ARID3C: variants seen among roughly 807,000 people sequenced by gnomAD.
ARID3C encodes the protein AT-rich interaction domain 3C.
Under a neutral mutation model 37.9 loss-of-function variants are expected in ARID3C, and 42 were observed. The ratio of observed to expected loss-of-function variants is 1.11; its 90% confidence interval spans 0.87 to 1.43. ARID3C has a LOEUF of 1.43. Ranked by LOEUF, ARID3C falls within the 40% of genes most tolerant of loss-of-function variation. The pLI is 0.00. For synonymous variants in ARID3C, 213 were observed against 228.0 expected, an observed-to-expected ratio of 0.93 and a Z score of 0.59; for missense variants, 581 against 548.8, an observed-to-expected ratio of 1.06 and a Z score of -0.59.
exon 5 of ARID3C, chr9:34,622,430 C>T: frequency 6.2e-7 from 1 of 1,614,126 alleles, no homozygotes; most frequent in Non-Finnish European, 8.5e-7. Context: ...CAGCACAGCT[C>T]TCTTCTCTGG....
chr9:34,622,505 C>G (rs1159682377), exon 5 of ARID3C: 2 of 1,609,324 alleles, frequency 1.2e-6, no homozygotes, highest in Admixed American at 1.7e-5. Context: ...CAGTGCCAGA[C>G]AAGGGTTTGG....
exon 3 of ARID3C, chr9:34,623,871 G>T (rs758739197): frequency 1.9e-6 from 3 of 1,596,142 alleles, no homozygotes; most frequent in South Asian, 1.1e-5. Flanking sequence ...CACTGGGTGC[G>T]TAGAGTGAAG....
Position 34,625,879 on chromosome 9 carries a change from C to A in ARID3C, c.319-65G>T, listed in dbSNP as rs540080643. On this transcript the variant is annotated intron_variant, in intron 1 of 6. Transcript: ENST00000378909. ...CCCCCTCCCTCCCTTGACCCCAATT[C>A]AGGTTGTACCCTGAACAAGGGTCCC... 3.2e-6 allele frequency: 5 copies of A among 1,577,702 alleles called. No homozygotes were observed. In the African/African-American group the frequency reaches 6.7e-5, roughly 21 times the overall value.
At chr9:34,622,806 A>C (rs959815760) in intron 4 of ARID3C, among the ~76,000 whole-genome samples, 1 of 152,212 alleles carries the variant, frequency 6.6e-6, no homozygotes, top group Non-Finnish European at 1.5e-5. Context: ...ACTATATGCA[A>C]ATAGGAGCAC....
upstream of ARID3C, among the ~76,000 whole-genome samples, chr9:34,630,162 G>A (rs940873597): frequency 1.3e-5 from 2 of 152,164 alleles, no homozygotes; most frequent in African/African-American, 2.4e-5. Flanking sequence ...CTTCGCCCAT[G>A]TTCACACACA....
rs1564090543 is a variant in ARID3C, at chr9:34,622,327, C to T, written c.1048+20G>A. 12 of 1,590,428 alleles carry T rather than the reference C, an allele frequency of 7.5e-6. No homozygotes were observed. The highest frequency in any genetic ancestry group is 9.4e-6 in the Non-Finnish European group (11 of 1,168,076). On this transcript the variant is annotated intron_variant, in intron 5 of 6. Coordinates refer to ENST00000378909, the Ensembl canonical transcript of ARID3C. ...TCAGTGTACAGTCCCGAAGCCCCCT[C>T]ACAACAAGCCCCTCCTCACCCCTCA...
In ARID3C at chr9:34,623,418, C is replaced by T. The variant is rs368665257; in HGVS notation, c.865+7G>A. 141 of 1,494,628 alleles carry T rather than the reference C, an allele frequency of 9.4e-5. No homozygotes were observed. The highest frequency in any genetic ancestry group is 1.2e-4 in the Non-Finnish European group (132 of 1,123,506). The allele number at this position is 1,494,628 out of a possible 1,614,324, so 92.6% of individuals were successfully genotyped here. A position where few individuals can be genotyped will look rare whatever the true frequency, so the allele number is the denominator to read the frequency against. On this transcript the variant is annotated splice_region_variant and intron_variant, in intron 4 of 6. Coordinates refer to ENST00000378909, the Ensembl canonical transcript of ARID3C. ...ACCCCGAAACCTCTACCATTCTCCC[C>T]TCGCACCTTTCTTAATAGGGCTTGG... is the stretch of plus-strand genomic sequence containing the variant.
intron 2 of ARID3C, among the ~76,000 whole-genome samples, chr9:34,624,877 G>A (rs920900254): frequency 6.6e-6 from 1 of 152,156 alleles, no homozygotes; most frequent in Admixed American, 6.5e-5. Flanking sequence ...GTTCACACCC[G>A]CTACCCCAGT....
exon 4 of ARID3C, chr9:34,623,581 A>G (rs1453793426): frequency 1.9e-6 from 3 of 1,608,498 alleles, no homozygotes; most frequent in South Asian, 2.2e-5. Context: ...GGCCCTGCCA[A>G]GCCGAAGAGC....
Position 34,623,417 on chromosome 9 carries a change from C to G in ARID3C, c.865+8G>C, listed in dbSNP as rs779825118. 6 of 1,494,218 alleles carry G rather than the reference C, an allele frequency of 4.0e-6. No homozygotes were observed. In the Admixed American group the frequency reaches 1.4e-4, roughly 36 times the overall value. 92.6% of individuals were successfully genotyped at this position (1,494,218 alleles called of 1,614,324 possible). On this transcript the variant is annotated splice_region_variant and intron_variant, in intron 4 of 6. Coordinates refer to ENST00000378909, the Ensembl canonical transcript of ARID3C. The stretch of plus-strand genomic sequence containing the variant: ...GACCCCGAAACCTCTACCATTCTCC[C>G]CTCGCACCTTTCTTAATAGGGCTTG...
At chr9:34,631,540 G>A (rs1820723301), upstream of ARID3C, among the ~76,000 whole-genome samples, 1 of 151,708 alleles carries the variant, frequency 6.6e-6, no homozygotes, top group Non-Finnish European at 1.5e-5. Flanking sequence ...AGGCACTGTT[G>A]GACACAGGAG....
At chr9:34,629,853 A>G (rs544819793), upstream of ARID3C, among the ~76,000 whole-genome samples, 1 of 152,056 alleles carries the variant, frequency 6.6e-6, no homozygotes, top group East Asian at 1.9e-4. Context: ...CCCAGGTTCA[A>G]GTGATTCTAC....
upstream of ARID3C, among the ~76,000 whole-genome samples, chr9:34,629,892 A>C (rs1191632324): frequency 1.3e-5 from 2 of 151,954 alleles, no homozygotes; most frequent in African/African-American, 2.4e-5. Context: ...AGCTGGAATT[A>C]GCTGGGATTA....
upstream of ARID3C, among the ~76,000 whole-genome samples, chr9:34,632,851 G>A (rs1241466438): frequency 1.3e-5 from 2 of 152,150 alleles, no homozygotes; most frequent in African/African-American, 2.4e-5. Flanking sequence ...AGACAGCCAA[G>A]TGGAGATGTT....
intron 6 of ARID3C, 50 bp from the exon 8 acceptor site, chr9:34,621,608 G>A (rs775494615): frequency 1.5e-6 from 2 of 1,349,202 alleles, no homozygotes; most frequent in East Asian, 2.5e-5. Flanking sequence ...GCAGGAGGGG[G>A]TAGGGTATGG....
In ARID3C at chr9:34,623,592, G is replaced by T; in HGVS notation, c.698C>A (p.Pro233Gln). Reference sequence around the variant, plus strand: ...GGGCGGCCCTGCCAAGCCGAAGAGCGGAGTAGCGGTGTAAGCCTGGCGACG... The same window carrying T: ...GGGCGGCCCTGCCAAGCCGAAGAGCTGAGTAGCGGTGTAAGCCTGGCGACG... Residue 233 changes from proline to glutamine, a missense_variant, in exon 4 of 7, where the codon CCG becomes CAG. Coordinates refer to ENST00000378909, the Ensembl canonical transcript of ARID3C. The T allele has an allele frequency of 3.1e-6, 5 of 1,608,936 alleles. 1 individual carries two copies. In the South Asian group the frequency reaches 3.3e-5, roughly 11 times the overall value.
upstream of ARID3C, among the ~76,000 whole-genome samples, chr9:34,631,331 G>A (rs72737129): frequency 0.044 from 6,731 of 152,190 alleles, 234 homozygotes; most frequent in South Asian, 0.068. Context: ...GGGCCAGGAG[G>A]GCTACAACTG....
At chr9:34,625,933 G>T in intron 1 of ARID3C, 119 bp from the exon 3 acceptor site, 1 of 1,140,546 alleles carries the variant, frequency 8.8e-7, no homozygotes, top group Non-Finnish European at 1.3e-6. Context: ...GGATCTCAAT[G>T]TGGACTCCCT....
At chr9:34,626,298 A>T (rs570389360) in intron 1 of ARID3C, among the ~76,000 whole-genome samples, 1 of 152,240 alleles carries the variant, frequency 6.6e-6, no homozygotes, top group African/African-American at 2.4e-5. Context: ...GATGCTCCTA[A>T]CCCACCCCTC....
Sources: gnomAD v4.1 joint callset for allele counts (sites outside exome capture counted in the v4.1 genomes callset) on GRCh38, gnomAD v4.1.1 for gene constraint, MANE v1.5 for transcripts, NCBI Gene and HGNC (gene_info 2026-07-23, HGNC 2026-07-21) for gene names.